RALYL: variants seen among roughly 807,000 people sequenced by gnomAD.
RALYL encodes RNA-binding Raly-like protein.
RALYL carries 29 observed loss-of-function variants against 35.1 expected under a neutral mutation model. That is an observed-to-expected ratio of 0.83 (90% CI 0.61 to 1.13). The LOEUF (loss-of-function observed/expected upper bound fraction) is 1.13. Among genes scored for constraint, RALYL ranks in the 50% most tolerant of loss-of-function variants. The pLI is 0.00. For missense variants in RALYL, 359 were observed against 360.4 expected (o/e 1.00, Z 0.03); for synonymous variants, 120 against 127.6 (o/e 0.94, Z 0.40).
chr8:84,814,231 A>AGTC (rs1826627846), intron 4 of RALYL, among the ~76,000 whole-genome samples: 2 of 151,980 alleles, frequency 1.3e-5, no homozygotes. Flanking sequence ...TGTTCTAAAG[A>AGTC]GTCAATCAGA....
chr8:84,716,531 T>C (rs1455198514), intron 2 of RALYL, among the ~76,000 whole-genome samples: 1 of 152,144 alleles, frequency 6.6e-6, no homozygotes. Context: ...TCGTAAAATT[T>C]TTCTCAGCAC....
intron 1 of RALYL, among the ~76,000 whole-genome samples, chr8:84,522,453 T>C (rs1214528004): frequency 3.3e-5 from 5 of 151,592 alleles, no homozygotes; most frequent in Non-Finnish European, 7.4e-5. Context: ...GTTTCACCGT[T>C]TTAGCCGGGA....
At chr8:84,396,111 A>G (rs1279647845) in intron 1 of RALYL, among the ~76,000 whole-genome samples, 1 of 151,910 alleles carries the variant, frequency 6.6e-6, no homozygotes, top group Admixed American at 6.6e-5. Flanking sequence ...AAAAACTTAT[A>G]TTGTTTATAA....
intron 1 of RALYL, among the ~76,000 whole-genome samples, chr8:84,378,707 T>C (rs189464999): frequency 2.0e-5 from 3 of 152,016 alleles, no homozygotes; most frequent in Admixed American, 1.3e-4. Flanking sequence ...CTGATATGCC[T>C]TTTTGAGATG....
chr8:84,505,313 C>T (rs1210712986), intron 1 of RALYL, among the ~76,000 whole-genome samples: 1 of 152,082 alleles, frequency 6.6e-6, no homozygotes, highest in Non-Finnish European at 1.5e-5. Flanking sequence ...ATACATGCTC[C>T]TTTATGTTTA....
At chr8:84,268,342 C>G (rs1244717590) in intron 1 of RALYL, among the ~76,000 whole-genome samples, 1 of 152,134 alleles carries the variant, frequency 6.6e-6, no homozygotes, top group Non-Finnish European at 1.5e-5. Context: ...TCAGTCATAC[C>G]TGCATACTTG....
intron 2 of RALYL, among the ~76,000 whole-genome samples, chr8:84,553,948 A>G (rs2060921994): frequency 6.6e-6 from 1 of 152,206 alleles, no homozygotes; most frequent in African/African-American, 2.4e-5. Context: ...CATACACATA[A>G]CTATTTTCAA....
chr8:84,302,684 C>A (rs1841038799), intron 1 of RALYL, among the ~76,000 whole-genome samples: 1 of 152,094 alleles, frequency 6.6e-6, no homozygotes, highest in African/African-American at 2.4e-5. Context: ...AACAGATTTG[C>A]ATTTTTATGA....
chr8:84,589,692 T>C (rs1008983390), intron 2 of RALYL, among the ~76,000 whole-genome samples: 10 of 152,218 alleles, frequency 6.6e-5, no homozygotes, highest in Non-Finnish European at 1.2e-4. Context: ...TGATCATATC[T>C]GGTAACATCA....
At chr8:84,539,901 T>TAC (rs2135220066) in intron 2 of RALYL, among the ~76,000 whole-genome samples, 1 of 142,686 alleles carries the variant, frequency 7.0e-6, no homozygotes, top group South Asian at 2.3e-4. Context: ...TGTGTGTGTG[T>TAC]GTGTGTGTAC....
intron 4 of RALYL, among the ~76,000 whole-genome samples, chr8:84,811,340 A>AC (rs1186200111): frequency 6.6e-6 from 1 of 152,008 alleles, no homozygotes; most frequent in Non-Finnish European, 1.5e-5. Context: ...TGAAGATAGG[A>AC]CCCCAATCCC....
At position 84,492,735 on chromosome 8, in the gene RALYL, A is replaced by T. The variant is rs145349509; in HGVS notation, c.-23-36564A>T. 4.5e-3 allele frequency among the ~76,000 whole-genome samples: 668 copies of T among 147,958 alleles called. 5 individuals carry two copies. The highest frequency in any genetic ancestry group is 0.017 in the African/African-American group (621 of 37,560). ...ATACAAATGGGTACACATTATGCATATAAATGAATAAATATATCTTTCAAA... is the reference window on the plus strand; with the variant it reads ...ATACAAATGGGTACACATTATGCATTTAAATGAATAAATATATCTTTCAAA... On this transcript the variant is annotated intron_variant, in intron 1 of 8. Transcript: ENST00000521268.
intron 2 of RALYL, among the ~76,000 whole-genome samples, chr8:84,643,185 A>T (rs1826757032): frequency 6.6e-6 from 1 of 151,868 alleles, no homozygotes; most frequent in Non-Finnish European, 1.5e-5. Context: ...AGTTTCAAAC[A>T]GTCCCCCCAC....
intron 2 of RALYL, among the ~76,000 whole-genome samples, chr8:84,656,830 A>G (rs1830047725): frequency 6.6e-6 from 1 of 152,114 alleles, no homozygotes; most frequent in Non-Finnish European, 1.5e-5. Flanking sequence ...GAGATAAAAC[A>G]ATTGGCTATT....
chr8:84,499,854 A>G (rs1010187228), intron 1 of RALYL, among the ~76,000 whole-genome samples: 1 of 152,124 alleles, frequency 6.6e-6, no homozygotes, highest in Non-Finnish European at 1.5e-5. Flanking sequence ...TCCCAGGCAT[A>G]AGTCATCCTA....
intron 1 of RALYL, among the ~76,000 whole-genome samples, chr8:84,287,544 A>G (rs1837887925): frequency 6.6e-6 from 1 of 152,128 alleles, no homozygotes; most frequent in Non-Finnish European, 1.5e-5. Context: ...GTTACATGAG[A>G]ATCGAAAGAG....
At chr8:84,494,064 T>C (rs1933701869) in intron 1 of RALYL, among the ~76,000 whole-genome samples, 1 of 152,208 alleles carries the variant, frequency 6.6e-6, no homozygotes, top group Non-Finnish European at 1.5e-5. Context: ...TTAATCCATC[T>C]TGAGTTAATT....
chr8:84,380,959 G>T (rs1378394871), intron 1 of RALYL, among the ~76,000 whole-genome samples: 1 of 151,750 alleles, frequency 6.6e-6, no homozygotes, highest in East Asian at 2.0e-4. Flanking sequence ...CTGGGTGGAG[G>T]GTGTGATTGT....
intron 4 of RALYL, among the ~76,000 whole-genome samples, chr8:84,823,398 G>A (rs961914986): frequency 6.6e-6 from 1 of 152,110 alleles, no homozygotes; most frequent in Non-Finnish European, 1.5e-5. Context: ...GTCATTCCTT[G>A]AAGACTCTTG....
Sources: allele counts gnomAD v4.1 joint callset (sites outside exome capture counted in the v4.1 genomes callset), GRCh38; gene constraint gnomAD v4.1.1; transcripts MANE v1.5; gene names NCBI Gene and HGNC (gene_info 2026-07-23, HGNC 2026-07-21).